The following DHTKD1 variants were observed in gnomAD, a reference collection of about 807,000 sequenced individuals.
DHTKD1 encodes the protein dehydrogenase E1 and transketolase domain containing 1.
A neutral mutation model predicts 101.8 loss-of-function variants in DHTKD1; 78 were observed. The ratio of observed to expected loss-of-function variants is 0.77; its 90% CI spans 0.64 to 0.93. The LOEUF (loss-of-function observed/expected upper bound fraction) is 0.93. Among genes scored for constraint, DHTKD1 ranks in the 40% least tolerant of loss-of-function variants. The pLI is 0.00. For missense variants in DHTKD1, 1,223 were observed against 1,161.7 expected (o/e 1.05, Z -0.77); for synonymous variants, 462 against 450.3 (o/e 1.03, Z -0.33).
rs1230058082 is a variant in DHTKD1 at position 12,113,079 on chromosome 10, G to A, written c.2319+15G>A. 2 of 1,587,654 alleles carry A rather than the reference G, an allele frequency of 1.3e-6. No homozygotes were observed. The highest frequency in any genetic ancestry group is 1.7e-6 in the Non-Finnish European group (2 of 1,166,364). On this transcript the variant is annotated intron_variant, in intron 13 of 16. Transcript: ENST00000263035. ...TCAGGCTCCCGGTAAGCAGAAGGTG[G>A]TGAATAAGCCTTCCTCCTTTTGTCA...
intron 8 of DHTKD1, among the ~76,000 whole-genome samples, chr10:12,099,859 C>G (rs1441920797): frequency 1.5e-5 from 2 of 137,728 alleles, no homozygotes; most frequent in Non-Finnish European, 3.0e-5. Flanking sequence ...TGTAGTGGAG[C>G]CATCTCAGCT....
chr10:12,114,761 C>T (rs1291159308), intron 13 of DHTKD1, among the ~76,000 whole-genome samples: 1 of 119,888 alleles, frequency 8.3e-6, no homozygotes, highest in Non-Finnish European at 1.7e-5. Context: ...TTGCTTCCAC[C>T]CCTTGGTTGG....
chr10:12,092,422 T>G (rs1257625282), intron 6 of DHTKD1, among the ~76,000 whole-genome samples: 2 of 152,270 alleles, frequency 1.3e-5, no homozygotes, highest in Middle Eastern at 3.4e-3. Context: ...AGTTGTTATC[T>G]CTAGGATATT....
At chr10:12,119,344 G>A (rs570908515) in intron 15 of DHTKD1, among the ~76,000 whole-genome samples, 12 of 150,674 alleles carry the variant, frequency 8.0e-5, no homozygotes, top group South Asian at 4.2e-4. Context: ...GGCGGGGCGC[G>A]GTGCCTCACG....
intron 16 of DHTKD1, 111 bp from the exon 17 acceptor site, chr10:12,120,676 T>C (rs1833513292): frequency 5.6e-6 from 5 of 897,676 alleles, no homozygotes; most frequent in Non-Finnish European, 9.0e-6. Context: ...TTGAAAGAGG[T>C]GATTTATGGT....
intron 7 of DHTKD1, among the ~76,000 whole-genome samples, chr10:12,094,771 C>G (rs1171673214): frequency 3.9e-5 from 6 of 152,184 alleles, no homozygotes; most frequent in Non-Finnish European, 7.3e-5. Flanking sequence ...TCCTGAGTAG[C>G]TGGGATTACA....
intron 7 of DHTKD1, 138 bp downstream of exon 7, chr10:12,094,409 C>T (rs189733199): frequency 1.3e-6 from 1 of 749,954 alleles, no homozygotes; most frequent in East Asian, 2.7e-5. Flanking sequence ...TCTCCACCTC[C>T]CGGGTTCAAA....
chr10:12,095,328 T>A (rs1227092602), intron 7 of DHTKD1, among the ~76,000 whole-genome samples: 2 of 152,222 alleles, frequency 1.3e-5, no homozygotes, highest in South Asian at 4.1e-4. Context: ...ATAATATTTT[T>A]AAATTTATTA....
Position 12,118,748 on chromosome 10 carries a change from G to A in DHTKD1, c.2403-1G>A, listed in dbSNP as rs1244821576. 5 of 1,546,576 alleles carry A rather than the reference G, an allele frequency of 3.2e-6. No homozygotes were observed. ...CCTATTGTTCCTTTTCTGTCCAACA[G>A]GGTTAAGACCCTCGTGTTCTGCTCC... On this transcript the variant is annotated splice_acceptor_variant, in intron 14 of 16. Coordinates refer to ENST00000263035, the MANE Select transcript of DHTKD1 (RefSeq NM_018706.7). LOFTEE classifies it high-confidence loss of function.
Position 12,121,219 on chromosome 10 carries a change from CA to C in DHTKD1, c.*350del, listed in dbSNP as rs34911594. 445 of 119,308 alleles carry C rather than the reference CA, an allele frequency of 3.7e-3. No individual in the cohort carries two copies. Among genetic ancestry groups the C allele is most frequent in the South Asian group, 0.013 (53 of 3,976 alleles). The allele number at this position is 119,308 out of a possible 1,614,324, so 7.4% of individuals were successfully genotyped here. A position where few individuals can be genotyped will look rare whatever the true frequency, so the allele number is the denominator to read the frequency against. On this transcript the variant is annotated 3_prime_UTR_variant, in exon 17 of 17. Transcript: ENST00000263035. ...TGGGTGACAGAGCAAGACTGCGTTT[CA>C]AAAAAAAAAAAAAAAAAACCCATTA...
chr10:12,120,463 A>G (rs1447940823), intron 16 of DHTKD1, 196 bp downstream of exon 16: 7 of 535,984 alleles, frequency 1.3e-5, no homozygotes, highest in East Asian at 6.8e-5. Context: ...CCTCCCAAGT[A>G]GCTGGGACTA....
In DHTKD1 at chr10:12,109,567, C is replaced by T. The variant is rs577791967; in HGVS notation, c.2154+1552C>T. Among the ~76,000 whole-genome samples, 7 of 151,554 alleles carry T rather than the reference C, an allele frequency of 4.6e-5. No individual in the cohort carries two copies. In the South Asian group the frequency reaches 1.3e-3, roughly 27 times the overall value. On this transcript the variant is annotated intron_variant, in intron 12 of 16. Transcript: ENST00000263035. Reference sequence around the variant, plus strand: ...AGCTCTGGGCCCTGGGATAGTCCAACCTCAGAGGATGCAGAGAAGAAGAAG... The same window carrying T: ...AGCTCTGGGCCCTGGGATAGTCCAATCTCAGAGGATGCAGAGAAGAAGAAG...
chr10:12,086,652 A>T (rs1832907253), intron 3 of DHTKD1, among the ~76,000 whole-genome samples: 1 of 151,854 alleles, frequency 6.6e-6, no homozygotes, highest in East Asian at 1.9e-4. Context: ...GAGAAAAAAA[A>T]GTCTTTTGGT....
intron 13 of DHTKD1, among the ~76,000 whole-genome samples, chr10:12,113,790 C>T (rs1195660739): frequency 6.6e-6 from 1 of 152,046 alleles, no homozygotes; most frequent in Non-Finnish European, 1.5e-5. Context: ...TGTGGTGGCT[C>T]ACACCTGTGC....
At chr10:12,073,480 G>C (rs892483130) in intron 1 of DHTKD1, among the ~76,000 whole-genome samples, 3 of 151,990 alleles carry the variant, frequency 2.0e-5, no homozygotes, top group African/African-American at 7.2e-5. Context: ...TTGAGTAGCT[G>C]GGACTACAGG....
chr10:12,113,175 T>G (rs1375996694), intron 13 of DHTKD1, 111 bp downstream of exon 13: 1 of 1,012,088 alleles, frequency 9.9e-7, no homozygotes, highest in African/African-American at 1.7e-5. Flanking sequence ...CCTTTTTAGT[T>G]TCAACTGACT....
rs879045177 is a variant in DHTKD1 at position 12,118,604 on chromosome 10, G to T, written c.2403-145G>T. ...TCACCGTGTTAGCCAGGATGGTCTT[G>T]ATTTCCTGACCTCGTGATCCGCCCG... On this transcript the variant is annotated intron_variant, in intron 14 of 16. Transcript: ENST00000263035. 25 of 459,996 alleles carry T rather than the reference G, an allele frequency of 5.4e-5. 1 individual carries two copies. Among genetic ancestry groups the T allele is most frequent in the African/African-American group, 3.2e-4 (16 of 50,496 alleles). 28.5% of individuals were successfully genotyped at this position (459,996 alleles called of 1,614,324 possible). A position where few individuals can be genotyped will look rare whatever the true frequency, so the allele number is the denominator to read the frequency against.
chr10:12,078,685 T>A (rs9424145), intron 1 of DHTKD1, among the ~76,000 whole-genome samples: 38,974 of 152,002 alleles, frequency 0.26, 5,606 homozygotes, highest in African/African-American at 0.39. Flanking sequence ...GATGTTTTCT[T>A]TTTTCTTTTT....
chr10:12,116,439 A>T (rs1233719002), intron 13 of DHTKD1: 1 of 151,308 alleles, frequency 6.6e-6, no homozygotes, highest in Non-Finnish European at 1.5e-5. Flanking sequence ...TACCCAGGCT[A>T]TAGTGCAATG....
Sources: gnomAD v4.1 joint callset for allele counts (sites outside exome capture counted in the v4.1 genomes callset) on GRCh38, gnomAD v4.1.1 for gene constraint, MANE v1.5 for transcripts, NCBI Gene and HGNC (gene_info 2026-07-23, HGNC 2026-07-21) for gene names.